ADAMTS5: variants seen among roughly 807,000 people sequenced by gnomAD.
The protein encoded by ADAMTS5 is A disintegrin and metalloproteinase with thrombospondin motifs 5.
Under a neutral mutation model 81.4 loss-of-function variants are expected in ADAMTS5, and 54 were observed. The observed-to-expected ratio is 0.66, with a 90% confidence interval of 0.53 to 0.83. ADAMTS5 has a LOEUF of 0.83. Ranked by LOEUF, ADAMTS5 falls within the 40% of genes least tolerant of loss-of-function variation. The pLI, the probability that ADAMTS5 is intolerant of heterozygous loss-of-function variation, is 0.00. For missense variants in ADAMTS5, 1,194 were observed against 1,229.9 expected (o/e 0.97, Z 0.44); for synonymous variants, 532 against 508.8 (o/e 1.05, Z -0.61).
intron 1 of ADAMTS5, among the ~76,000 whole-genome samples, chr21:26,955,374 T>C (rs887584605): frequency 2.0e-5 from 3 of 152,214 alleles, no homozygotes; most frequent in South Asian, 2.1e-4. Flanking sequence ...GGTCATCTTT[T>C]ACTCCCCAAA....
In ADAMTS5 at chr21:26,965,928, A is replaced by G; in HGVS notation, c.464T>C (p.Phe155Ser). 2 of 1,613,798 alleles carry G rather than the reference A, an allele frequency of 1.2e-6. No individual in the cohort carries two copies. The highest frequency in any genetic ancestry group is 1.7e-6 in the Non-Finnish European group (2 of 1,179,962). The stretch of plus-strand genomic sequence containing the variant: ...GTAGCGCGCGTGCTTGACCGCGAAG[A>G]AGCCGTCGAGACCCCCACAGAGGTC... ...VFDLCGGLDG[F>S]FAVKHARYTL... Residue 155 changes from phenylalanine to serine, a missense_variant, in exon 1 of 8, where the codon TTC becomes TCC. By Grantham distance (155) the Phe-to-Ser change is radical. Coordinates refer to ENST00000284987, the MANE Select transcript of ADAMTS5 (RefSeq NM_007038.5).
chr21:26,924,758 T>G, intron 7 of ADAMTS5, 138 bp from the exon 8 acceptor site: 1 of 724,354 alleles, frequency 1.4e-6, no homozygotes. Flanking sequence ...TTTTAATGGA[T>G]TAGTTTAAAA....
chr21:26,952,082 C>A (rs1157307660), intron 2 of ADAMTS5, among the ~76,000 whole-genome samples: 1 of 152,162 alleles, frequency 6.6e-6, no homozygotes, highest in East Asian at 1.9e-4. Flanking sequence ...CACTTCCAGA[C>A]CTTAAATAGC....
At chr21:26,956,903 A>AT (rs1203320582) in intron 1 of ADAMTS5, among the ~76,000 whole-genome samples, 1 of 152,200 alleles carries the variant, frequency 6.6e-6, no homozygotes, top group Non-Finnish European at 1.5e-5. Flanking sequence ...CTTGAATTGG[A>AT]TTAAATGCAT....
intron 3 of ADAMTS5, among the ~76,000 whole-genome samples, chr21:26,941,321 C>G (rs1987109715): frequency 6.6e-6 from 1 of 151,968 alleles, no homozygotes; most frequent in Admixed American, 6.6e-5. Context: ...TGAACAAGAT[C>G]TATTTCTATT....
intron 3 of ADAMTS5, among the ~76,000 whole-genome samples, chr21:26,940,524 A>G (rs752182499): frequency 3.9e-5 from 6 of 152,182 alleles, no homozygotes; most frequent in Non-Finnish European, 8.8e-5. Context: ...TTGTTAAATA[A>G]TATCATTTCT....
rs1986802851 is a variant in ADAMTS5 at position 26,926,185 on chromosome 21, C to T, written c.2226-1565G>A. Among the ~76,000 whole-genome samples, 5 of 152,274 alleles carry T rather than the reference C, an allele frequency of 3.3e-5. No individual in the cohort carries two copies. The South Asian group carries it at 8.3e-4, about 25-fold the overall frequency. On this transcript the variant is annotated intron_variant, in intron 7 of 7. Coordinates refer to ENST00000284987, the MANE Select transcript of ADAMTS5 (RefSeq NM_007038.5). ...ACTGGCAAGGCTGAAGTGGGAGGAT[C>T]GCTTTAGCCCAGGTCTTGGCTGCAG...
intron 2 of ADAMTS5, among the ~76,000 whole-genome samples, chr21:26,947,841 CTGAG>C (rs1234951645): frequency 6.6e-6 from 1 of 152,124 alleles, no homozygotes; most frequent in Non-Finnish European, 1.5e-5. Flanking sequence ...AACAGTCATG[CTGAG>C]TGTCTGTCAG....
At chr21:26,937,115 A>G (rs1434315345) in intron 3 of ADAMTS5, among the ~76,000 whole-genome samples, 1 of 152,210 alleles carries the variant, frequency 6.6e-6, no homozygotes, top group Non-Finnish European at 1.5e-5. Context: ...TCTGGAGTCA[A>G]AATAACTCAC....
At position 26,922,588 on chromosome 21, in the gene ADAMTS5, G is replaced by C. The variant is rs181934706; in HGVS notation, c.*1465C>G. The C allele has an allele frequency of 5.9e-5, 9 of 152,052 alleles. No individual in the cohort carries two copies. Among genetic ancestry groups the C allele is most frequent in the Admixed American group, 5.2e-4 (8 of 15,296 alleles). The allele number at this position is 152,052 out of a possible 1,614,324, so 9.4% of individuals were successfully genotyped here. A position where few individuals can be genotyped will look rare whatever the true frequency, so the allele number is the denominator to read the frequency against. ...CTAAGTTGTGAGGTTGGTGATGGGGGGGTGTACATTTTATCATCTAAAAAG... is the reference window on the plus strand; with the variant it reads ...CTAAGTTGTGAGGTTGGTGATGGGGCGGTGTACATTTTATCATCTAAAAAG... On this transcript the variant is annotated 3_prime_UTR_variant, in exon 8 of 8. Transcript: ENST00000284987.
At chr21:26,956,130 G>A (rs1186556092) in intron 1 of ADAMTS5, among the ~76,000 whole-genome samples, 1 of 152,054 alleles carries the variant, frequency 6.6e-6, no homozygotes, top group Non-Finnish European at 1.5e-5. Flanking sequence ...CCAGTACAAG[G>A]CAGTGTGACT....
rs898662398 is a variant in ADAMTS5, at chr21:26,920,999, G to A, written c.*3054C>T. ...ATGTAAACTCACAAAGTGTAAAAGT[G>A]TACTTTATACACAAACATGAAGCAT... On this transcript the variant is annotated 3_prime_UTR_variant, in exon 8 of 8. Coordinates refer to ENST00000284987, the MANE Select transcript of ADAMTS5 (RefSeq NM_007038.5). 10 of 152,448 alleles carry A rather than the reference G, an allele frequency of 6.6e-5. No individual in the cohort carries two copies. Among genetic ancestry groups the A allele is most frequent in the East Asian group, 1.9e-4 (1 of 5,180 alleles). The allele number at this position is 152,448 out of a possible 1,614,324, so 9.4% of individuals were successfully genotyped here. A position where few individuals can be genotyped will look rare whatever the true frequency, so the allele number is the denominator to read the frequency against.
At chr21:26,951,679 C>CAAAAAAAA (rs58060427) in intron 2 of ADAMTS5, among the ~76,000 whole-genome samples, 1 of 46,628 alleles carries the variant, frequency 2.1e-5, no homozygotes, top group African/African-American at 8.7e-5. Context: ...CCCTCCATCT[C>CAAAAAAAA]AAAAAAAAAA....
In ADAMTS5 at chr21:26,932,900, T is replaced by G. The variant is rs760021146; in HGVS notation, c.1834A>C (p.Ile612Leu). 6.2e-7 allele frequency: 1 copy of G among 1,613,740 alleles called. No individual in the cohort carries two copies. The highest frequency in any genetic ancestry group is 1.3e-5 in the African/African-American group (1 of 74,998). ...GGCATGAGACTGCAGGAGCGGTAGA[T>G]GGCCCTCTTCCCTGTGCAGTAGCGT... ...NGRYCTGKRA[I>L]YRSCSLMPCP... is the part of the protein sequence containing the mutation. Residue 612 changes from isoleucine to leucine, a missense_variant, in exon 5 of 8, where the codon ATC becomes CTC. This residue lies in a region of ADAMTS5 where 696 missense variants were observed against 817.6 expected (regional missense o/e 0.85). Transcript: ENST00000284987.
chr21:26,923,226 T>C lies in ADAMTS5; in HGVS notation c.*827A>G, dbSNP rs1259949615. 1.3e-5 allele frequency: 2 copies of C among 152,106 alleles called. No homozygotes were observed. The highest frequency in any genetic ancestry group is 2.9e-5 in the Non-Finnish European group (2 of 67,990). The allele number at this position is 152,106 out of a possible 1,614,324, so 9.4% of individuals were successfully genotyped here. A position where few individuals can be genotyped will look rare whatever the true frequency, so the allele number is the denominator to read the frequency against. On this transcript the variant is annotated 3_prime_UTR_variant, in exon 8 of 8. Transcript: ENST00000284987. ...TTTTAAATTTCCAACACAAGGAAAC[T>C]AGTTTTTAGACTCTTGAGTATGATC...
intron 3 of ADAMTS5, among the ~76,000 whole-genome samples, chr21:26,941,537 G>T (rs1004072778): frequency 2.0e-5 from 3 of 151,962 alleles, no homozygotes; most frequent in African/African-American, 7.2e-5. Flanking sequence ...TGAAATAAAT[G>T]AATCATTCCA....
chr21:26,939,125 C>T (rs1568843975), intron 3 of ADAMTS5, among the ~76,000 whole-genome samples: 1 of 152,116 alleles, frequency 6.6e-6, no homozygotes, highest in Non-Finnish European at 1.5e-5. Context: ...CATTTGCCTG[C>T]TCTTTGATCA....
rs2056182029 is a variant in ADAMTS5, at chr21:26,919,640, G to A, written c.*4413C>T. The A allele has an allele frequency of 1.3e-5, 2 of 151,862 alleles. No individual in the cohort carries two copies. The highest frequency in any genetic ancestry group is 1.3e-4 in the Admixed American group (2 of 15,216). The allele number at this position is 151,862 out of a possible 1,614,324, so 9.4% of individuals were successfully genotyped here. ...AATTTTTTGGCTAATGCATGGTTTT[G>A]TATTTCAATATGTTCTCATACATTA... On this transcript the variant is annotated 3_prime_UTR_variant, in exon 8 of 8. Transcript: ENST00000284987.
Position 26,950,420 on chromosome 21 carries a change from T to C in ADAMTS5, c.1237+4319A>G, listed in dbSNP as rs565331460. ...ACTTGAAAACTTTCTGCAGTTCACA[T>C]TTGGATTGTAAAGTGGCTGTAAACA... is the stretch of plus-strand genomic sequence containing the variant. On this transcript the variant is annotated intron_variant, in intron 2 of 7. Coordinates refer to ENST00000284987, the MANE Select transcript of ADAMTS5 (RefSeq NM_007038.5). Among the ~76,000 whole-genome samples the C allele has an allele frequency of 1.3e-3, 199 of 152,340 alleles. 1 individual carries two copies. The highest frequency in any genetic ancestry group is 4.5e-3 in the African/African-American group (187 of 41,582).
Sources: allele counts gnomAD v4.1 joint callset (sites outside exome capture counted in the v4.1 genomes callset), GRCh38; gene constraint gnomAD v4.1.1; regional missense constraint gnomAD v4.1.1; transcripts MANE v1.5; gene names NCBI Gene and HGNC (gene_info 2026-07-23, HGNC 2026-07-21).